FBXL17: variants seen among roughly 807,000 people sequenced by gnomAD.
The protein encoded by FBXL17 is F-box and leucine rich repeat protein 17, also known as F-box/LRR-repeat protein 17.
A neutral mutation model predicts 66.2 loss-of-function variants in FBXL17; 22 were observed. The observed-to-expected ratio is 0.33, with a 90% CI of 0.24 to 0.47. The LOEUF (loss-of-function observed/expected upper bound fraction) is 0.47. Among genes scored for constraint, FBXL17 ranks in the 20% least tolerant of loss-of-function variants. FBXL17 has a pLI of 1.00. For missense variants in FBXL17, 878 were observed against 948.2 expected (o/e 0.93, Z 0.97); for synonymous variants, 474 against 400.5 (o/e 1.18, Z -2.19).
intron 4 of FBXL17, among the ~76,000 whole-genome samples, chr5:108,234,543 A>G (rs1207754912): frequency 7.3e-6 from 1 of 136,160 alleles, no homozygotes; most frequent in Non-Finnish European, 1.6e-5. Flanking sequence ...CTCAAATGCA[A>G]GAGCAAATCC....
At chr5:108,166,460 T>C (rs924211355) in intron 6 of FBXL17, among the ~76,000 whole-genome samples, 1 of 152,120 alleles carries the variant, frequency 6.6e-6, no homozygotes, top group Non-Finnish European at 1.5e-5. Flanking sequence ...GTTAAGATGA[T>C]GTGTTATAGT....
chr5:108,210,283 T>C (rs1047065894), intron 5 of FBXL17, among the ~76,000 whole-genome samples: 1 of 152,222 alleles, frequency 6.6e-6, no homozygotes, highest in Admixed American at 6.5e-5. Flanking sequence ...ATTGATTTTT[T>C]GAAGGTTTTT....
At chr5:108,183,834 G>A (rs939571900) in intron 6 of FBXL17, among the ~76,000 whole-genome samples, 3 of 152,072 alleles carry the variant, frequency 2.0e-5, no homozygotes, top group African/African-American at 7.2e-5. Flanking sequence ...TTTGATTCCT[G>A]AGTTACTTCA....
intron 6 of FBXL17, among the ~76,000 whole-genome samples, chr5:108,093,993 T>C (rs1749279115): frequency 6.6e-6 from 1 of 152,170 alleles, no homozygotes; most frequent in African/African-American, 2.4e-5. Flanking sequence ...TTGTAGTTTC[T>C]TGATCACTTG....
At chr5:108,035,404 T>C (rs1291052637) in intron 6 of FBXL17, among the ~76,000 whole-genome samples, 2 of 152,152 alleles carry the variant, frequency 1.3e-5, no homozygotes, top group African/African-American at 4.8e-5. Context: ...GTCGCTTTTG[T>C]TGCCCAGGCT....
At chr5:108,318,598 A>C (rs1475662657) in intron 4 of FBXL17, among the ~76,000 whole-genome samples, 1 of 151,858 alleles carries the variant, frequency 6.6e-6, no homozygotes, top group Non-Finnish European at 1.5e-5. Flanking sequence ...ATATATTTTG[A>C]TTCTCTCTCA....
chr5:107,906,890 C>T (rs1749780558), intron 7 of FBXL17, among the ~76,000 whole-genome samples: 2 of 152,122 alleles, frequency 1.3e-5, no homozygotes, highest in South Asian at 4.1e-4. Flanking sequence ...ACTACTGTTA[C>T]ATTAAACTTA....
At chr5:108,054,012 C>G (rs879656787) in intron 6 of FBXL17, among the ~76,000 whole-genome samples, 8 of 152,072 alleles carry the variant, frequency 5.3e-5, no homozygotes, top group Non-Finnish European at 1.2e-4. Context: ...AATGCAGGAA[C>G]AGAAAACCAA....
intron 8 of FBXL17, among the ~76,000 whole-genome samples, chr5:107,869,043 G>A (rs1292650222): frequency 2.6e-5 from 4 of 152,182 alleles, no homozygotes; most frequent in Non-Finnish European, 5.9e-5. Context: ...ATTTGCAGGT[G>A]GGAAAAGTAA....
chr5:108,301,668 T>C (rs889594573), intron 4 of FBXL17, among the ~76,000 whole-genome samples: 1 of 151,656 alleles, frequency 6.6e-6, no homozygotes, highest in Non-Finnish European at 1.5e-5. Context: ...GGAATGTGAG[T>C]GATAAAATTT....
At chr5:108,344,467 T>C (rs1327396188) in intron 4 of FBXL17, among the ~76,000 whole-genome samples, 1 of 152,208 alleles carries the variant, frequency 6.6e-6, no homozygotes, top group African/African-American at 2.4e-5. Flanking sequence ...TATAATAGTT[T>C]ACAGCCTAAT....
At chr5:107,991,821 A>T (rs1232755078) in intron 7 of FBXL17, among the ~76,000 whole-genome samples, 3 of 152,154 alleles carry the variant, frequency 2.0e-5, no homozygotes, top group African/African-American at 7.2e-5. Flanking sequence ...ATATCCTTTC[A>T]TTAGCTTGGA....
chr5:107,889,455 T>C (rs1749119021), intron 7 of FBXL17, among the ~76,000 whole-genome samples: 1 of 152,188 alleles, frequency 6.6e-6, no homozygotes, highest in African/African-American at 2.4e-5. Context: ...CAATGGTAGA[T>C]AACATTAGAG....
intron 4 of FBXL17, among the ~76,000 whole-genome samples, chr5:108,231,205 G>T (rs374996189): frequency 1.2e-4 from 18 of 152,196 alleles, no homozygotes; most frequent in African/African-American, 4.1e-4. Flanking sequence ...TCCATTTTGA[G>T]TATAATTCGT....
At chr5:108,192,563 G>A (rs966833564) in intron 5 of FBXL17, among the ~76,000 whole-genome samples, 21 of 152,026 alleles carry the variant, frequency 1.4e-4, no homozygotes, top group African/African-American at 3.9e-4. Context: ...GTGGATTATC[G>A]AAAGACCTCA....
chr5:107,959,107 T>C (rs1751789628), intron 7 of FBXL17, among the ~76,000 whole-genome samples: 2 of 152,028 alleles, frequency 1.3e-5, no homozygotes, highest in Admixed American at 1.3e-4. Flanking sequence ...CCATGATATT[T>C]CTGATGAGTG....
chr5:107,967,402 C>T (rs1752190236), intron 7 of FBXL17, among the ~76,000 whole-genome samples: 1 of 151,562 alleles, frequency 6.6e-6, no homozygotes, highest in Non-Finnish European at 1.5e-5. Flanking sequence ...AGTTTATATA[C>T]CCTTCTCCGA....
intron 6 of FBXL17, among the ~76,000 whole-genome samples, chr5:108,084,896 A>C (rs992833451): frequency 2.2e-4 from 33 of 152,226 alleles, no homozygotes; most frequent in African/African-American, 7.5e-4. Context: ...GTAGATAAAT[A>C]TTTTAACACT....
At chr5:108,018,119 C>T (rs561484832) in intron 7 of FBXL17, among the ~76,000 whole-genome samples, 74 of 152,016 alleles carry the variant, frequency 4.9e-4, no homozygotes, top group Middle Eastern at 3.4e-3. Flanking sequence ...AAGAGGAGGC[C>T]AAAAACAGAC....
Sources: gnomAD v4.1 joint callset for allele counts (sites outside exome capture counted in the v4.1 genomes callset) on GRCh38, gnomAD v4.1.1 for gene constraint, MANE v1.5 for transcripts, NCBI Gene and HGNC (gene_info 2026-07-23, HGNC 2026-07-21) for gene names.